KLF8: variants seen among roughly 807,000 people sequenced by gnomAD.
KLF8 encodes Krueppel-like factor 8.
Under a neutral mutation model 18.2 loss-of-function variants are expected in KLF8, and 10 were observed. The observed-to-expected ratio is 0.55, with a 90% CI of 0.34 to 0.93. The LOEUF (loss-of-function observed/expected upper bound fraction) is 0.93, where lower values mean the gene tolerates loss of function less well. KLF8 is among the 40% of genes least tolerant of loss of function. The pLI, the probability that KLF8 is intolerant of heterozygous loss-of-function variation, is 0.02. For missense variants in KLF8, 264 were observed against 277.9 expected (o/e 0.95, Z 0.36); for synonymous variants, 109 against 97.3 (o/e 1.12, Z -0.71).
At chrX:56,172,201 C>G in the KLF8 span, among the ~76,000 whole-genome samples, 1 of 110,281 alleles carries the variant, frequency 9.1e-6, no homozygotes, top group African/African-American at 3.3e-5. Flanking sequence ...TGGTGTGCTG[C>G]ACCCATTAAC....
chrX:56,139,113 G>T, the KLF8 span, among the ~76,000 whole-genome samples: 39 of 111,199 alleles, frequency 3.5e-4, no homozygotes, highest in South Asian at 3.8e-4. Context: ...AAGAAATTTT[G>T]TACAAAGAAA....
the KLF8 span, among the ~76,000 whole-genome samples, chrX:55,936,178 A>T: frequency 1.8e-5 from 2 of 112,251 alleles, no homozygotes; most frequent in African/African-American, 6.5e-5. Context: ...TACTTAAATA[A>T]ATCATCTTTT....
chrX:55,962,458 T>C, the KLF8 span: 2 of 233,037 alleles, frequency 8.6e-6, no homozygotes, highest in Non-Finnish European at 1.6e-5. Context: ...ACCTTGCCCA[T>C]GCCTTTCATC....
the KLF8 span, among the ~76,000 whole-genome samples, chrX:55,944,796 A>G: frequency 9.0e-6 from 1 of 110,782 alleles, no homozygotes; most frequent in African/African-American, 3.3e-5. Flanking sequence ...TGTATTCATT[A>G]ATTTTTTGAA....
chrX:56,052,747 T>G, the KLF8 span, among the ~76,000 whole-genome samples: 2 of 111,928 alleles, frequency 1.8e-5, no homozygotes, highest in Non-Finnish European at 3.8e-5. Context: ...CCCCCAGAGG[T>G]GTAGCCTAAG....
Position 56,289,575 on chromosome X carries a change from A to G in KLF8, c.*5081A>G, listed in dbSNP as rs1482968705. ...TTTAGCTAAACATGAGTTCATATTGATGTTTTCAACTCTAACCTGTTACCA... is the reference window on the plus strand; with the variant it reads ...TTTAGCTAAACATGAGTTCATATTGGTGTTTTCAACTCTAACCTGTTACCA... On this transcript the variant is annotated 3_prime_UTR_variant, in exon 6 of 6. Coordinates refer to ENST00000468660, the MANE Select transcript of KLF8 (RefSeq NM_007250.5). Among the ~76,000 whole-genome samples, 4 of 111,602 alleles carry G rather than the reference A, an allele frequency of 3.6e-5. No homozygotes were observed. The highest frequency in any genetic ancestry group is 7.5e-5 in the Non-Finnish European group (4 of 53,121).
the KLF8 span, among the ~76,000 whole-genome samples, chrX:56,079,632 G>T: frequency 8.9e-6 from 1 of 111,733 alleles, no homozygotes; most frequent in Non-Finnish European, 1.9e-5. Context: ...ATTTGTGGTG[G>T]AGAGTTCTGT....
chrX:55,951,733 A>AATAT, the KLF8 span, among the ~76,000 whole-genome samples: 2 of 108,267 alleles, frequency 1.8e-5, no homozygotes, highest in Admixed American at 1.0e-4. Flanking sequence ...AGATCTGGTA[A>AATAT]ATATATATAT....
At position 56,259,450 on chromosome X, in the gene KLF8, C is replaced by T. The variant is rs955676337; in HGVS notation, c.82-5730C>T. ...TTCATACATTTCTGTGCCACTTTTC[C>T]CCACACTGTTTTTTCTACATGGATT... On this transcript the variant is annotated intron_variant, in intron 2 of 5. Transcript: ENST00000468660. 1.0e-4 allele frequency among the ~76,000 whole-genome samples: 11 copies of T among 110,234 alleles called. No individual in the cohort carries two copies. In the East Asian group the frequency reaches 2.8e-3, roughly 28 times the overall value.
At chrX:56,059,067 C>T in the KLF8 span, among the ~76,000 whole-genome samples, 4 of 111,947 alleles carry the variant, frequency 3.6e-5, no homozygotes, top group African/African-American at 1.3e-4. Context: ...GATAGTATCT[C>T]ATTGTGATTT....
the KLF8 span, among the ~76,000 whole-genome samples, chrX:56,185,843 C>T: frequency 3.6e-5 from 4 of 111,577 alleles, no homozygotes; most frequent in Admixed American, 2.9e-4. Context: ...TTGTCACCAC[C>T]AGGCCTGCCC....
intron 5 of KLF8, among the ~76,000 whole-genome samples, chrX:56,278,527 G>A (rs901458587): frequency 3.6e-5 from 4 of 111,140 alleles, no homozygotes; most frequent in African/African-American, 1.3e-4. Context: ...TATCCAAGAT[G>A]CAAAACAAAG....
chrX:56,282,867 T>C (rs1480963031), intron 5 of KLF8, among the ~76,000 whole-genome samples: 1 of 112,075 alleles, frequency 8.9e-6, no homozygotes, highest in Non-Finnish European at 1.9e-5. Flanking sequence ...TTGTTGCTCA[T>C]ATAGCTTATT....
the KLF8 span, among the ~76,000 whole-genome samples, chrX:56,110,575 G>T: frequency 9.0e-6 from 1 of 111,348 alleles, no homozygotes; most frequent in Non-Finnish European, 1.9e-5. Context: ...TTTTTCTAGT[G>T]TATTATTTTG....
the KLF8 span, among the ~76,000 whole-genome samples, chrX:56,175,052 T>G: frequency 9.2e-6 from 1 of 108,689 alleles, no homozygotes; most frequent in Non-Finnish European, 1.9e-5. Context: ...AATCAGCTCC[T>G]GGATTCATTG....
chrX:56,275,356 A>G (rs2067107018), intron 5 of KLF8, among the ~76,000 whole-genome samples: 1 of 111,711 alleles, frequency 9.0e-6, no homozygotes. Flanking sequence ...TTTTTATCCT[A>G]TAACTTTACT....
the KLF8 span, among the ~76,000 whole-genome samples, chrX:56,090,050 C>T: frequency 8.9e-6 from 1 of 111,963 alleles, no homozygotes; most frequent in Non-Finnish European, 1.9e-5. Context: ...CTCCAGCTCC[C>T]TCTAACCTTC....
At chrX:55,915,240 C>T in the KLF8 span, among the ~76,000 whole-genome samples, 1 of 111,554 alleles carries the variant, frequency 9.0e-6, no homozygotes, top group Non-Finnish European at 1.9e-5. Context: ...AACTCCAGTA[C>T]CCCAAACCTC....
chrX:56,050,474 T>G, the KLF8 span, among the ~76,000 whole-genome samples: 2 of 112,273 alleles, frequency 1.8e-5, no homozygotes, highest in African/African-American at 6.5e-5. Flanking sequence ...TGTGTCTTTG[T>G]TCTCATTGGT....
Sources: gnomAD v4.1 joint callset for allele counts (sites outside exome capture counted in the v4.1 genomes callset) on GRCh38, gnomAD v4.1.1 for gene constraint, MANE v1.5 for transcripts, NCBI Gene and HGNC (gene_info 2026-07-23, HGNC 2026-07-21) for gene names.